Variants in PRKG2 observed in about 807,000 individuals in gnomAD.
PRKG2 encodes the protein cGMP-dependent protein kinase 2.
Under a neutral mutation model 97.2 loss-of-function variants are expected in PRKG2, and 33 were observed. The ratio of observed to expected loss-of-function variants is 0.34; its 90% CI spans 0.26 to 0.45. The LOEUF is 0.45. PRKG2 is among the 20% of genes least tolerant of loss of function. PRKG2 has a pLI of 1.00. For synonymous variants in PRKG2, 330 were observed against 321.8 expected (o/e 1.03, Z -0.27); for missense variants, 638 against 900.0 (o/e 0.71, Z 3.73).
At chr4:81,119,165 T>C (rs1201542311) in intron 14 of PRKG2, among the ~76,000 whole-genome samples, 1 of 152,210 alleles carries the variant, frequency 6.6e-6, no homozygotes, top group South Asian at 2.1e-4. Context: ...CCTTTGGTGT[T>C]GTATCTAAAA....
At chr4:81,097,269 G>C (rs941117356) in intron 17 of PRKG2, among the ~76,000 whole-genome samples, 3 of 152,096 alleles carry the variant, frequency 2.0e-5, no homozygotes, top group African/African-American at 7.2e-5. Flanking sequence ...AGAGCTCTTT[G>C]GTGACTAGGT....
chr4:81,093,001 C>T (rs1164835296), intron 17 of PRKG2, among the ~76,000 whole-genome samples: 3 of 152,118 alleles, frequency 2.0e-5, no homozygotes, highest in Non-Finnish European at 4.4e-5. Context: ...TCACAACATG[C>T]CTCGGTTCAA....
At chr4:81,106,385 C>A (rs1425219461) in intron 15 of PRKG2, among the ~76,000 whole-genome samples, 2 of 152,046 alleles carry the variant, frequency 1.3e-5, no homozygotes, top group East Asian at 1.9e-4. Context: ...GGAGGTCCTG[C>A]ATAGTGAAGT....
At chr4:81,112,044 A>G (rs1744045017) in intron 14 of PRKG2, among the ~76,000 whole-genome samples, 1 of 152,182 alleles carries the variant, frequency 6.6e-6, no homozygotes, top group Non-Finnish European at 1.5e-5. Flanking sequence ...GAACTATAAA[A>G]TCCAGCCCCT....
Position 81,208,981 on chromosome 4 carries a change from T to C in PRKG2, c.-13-3921A>G, listed in dbSNP as rs191749305. Among the ~76,000 whole-genome samples the C allele has an allele frequency of 2.6e-5, 4 of 152,312 alleles. No individual in the cohort carries two copies. In the East Asian group the frequency reaches 5.8e-4, roughly 22 times the overall value. ...AATGCTTAAAACATGGAGGCCCACCTAATTATCTTTGAAGGCAACCAAAAA... is the reference window on the plus strand; with the variant it reads ...AATGCTTAAAACATGGAGGCCCACCCAATTATCTTTGAAGGCAACCAAAAA... On this transcript the variant is annotated intron_variant, in intron 1 of 18. Coordinates refer to ENST00000264399, the MANE Select transcript of PRKG2 (RefSeq NM_006259.3).
intron 1 of PRKG2, among the ~76,000 whole-genome samples, chr4:81,206,119 A>G (rs1377957797): frequency 6.6e-6 from 1 of 152,264 alleles, no homozygotes; most frequent in Non-Finnish European, 1.5e-5. Flanking sequence ...ATAAGCACAC[A>G]CGAGCAGACT....
At chr4:81,180,111 C>T (rs531371052) in intron 2 of PRKG2, among the ~76,000 whole-genome samples, 1 of 151,704 alleles carries the variant, frequency 6.6e-6, no homozygotes, top group Admixed American at 6.6e-5. Context: ...CCAGCCTGGG[C>T]AACAAGAGTG....
intron 17 of PRKG2, among the ~76,000 whole-genome samples, chr4:81,101,029 C>G (rs573674030): frequency 1.3e-5 from 2 of 151,976 alleles, no homozygotes; most frequent in Admixed American, 6.6e-5. Context: ...CCATCTCACA[C>G]CAGTTAGAAT....
chr4:81,147,655 A>G (rs1190783345), intron 9 of PRKG2, among the ~76,000 whole-genome samples: 1 of 152,138 alleles, frequency 6.6e-6, no homozygotes, highest in Non-Finnish European at 1.5e-5. Context: ...GGTGGGAAGC[A>G]TGGGGAAATG....
rs147088719 is a variant in PRKG2 at position 81,174,386 on chromosome 4, A to G, written c.628+407T>C. On this transcript the variant is annotated intron_variant, in intron 3 of 18. Coordinates refer to ENST00000264399, the MANE Select transcript of PRKG2 (RefSeq NM_006259.3). ...TAAAAACACTTTTTGAGCACATGGT[A>G]TTGTGATTAGAAGTGCAGATTCTTA... is the stretch of plus-strand genomic sequence containing the variant. Among the ~76,000 whole-genome samples the G allele has an allele frequency of 3.8e-3, 571 of 152,134 alleles. 5 individuals are homozygous for G. Among genetic ancestry groups the G allele is most frequent in the African/African-American group, 0.013 (538 of 41,550 alleles).
chr4:81,216,785 T>G (rs1296926447), upstream of PRKG2, among the ~76,000 whole-genome samples: 2 of 151,980 alleles, frequency 1.3e-5, no homozygotes, highest in African/African-American at 4.8e-5. Flanking sequence ...TCTGCAGTTT[T>G]TGACTTTGTT....
intron 14 of PRKG2, among the ~76,000 whole-genome samples, chr4:81,115,284 T>C (rs1216081034): frequency 6.6e-6 from 1 of 152,228 alleles, no homozygotes; most frequent in African/African-American, 2.4e-5. Context: ...ATAAACTTTA[T>C]ATTTTTTGCC....
chr4:81,117,211 T>C (rs928400457), intron 14 of PRKG2, among the ~76,000 whole-genome samples: 7 of 151,974 alleles, frequency 4.6e-5, no homozygotes, highest in Non-Finnish European at 8.8e-5. Context: ...CAGGCTGATC[T>C]TGAACTCCTG....
intron 15 of PRKG2, among the ~76,000 whole-genome samples, chr4:81,106,230 G>C (rs1483162292): frequency 6.6e-6 from 1 of 152,140 alleles, no homozygotes; most frequent in Non-Finnish European, 1.5e-5. Flanking sequence ...TTGAGATACA[G>C]TAAATAAGAA....
chr4:81,216,705 T>C (rs535372095), upstream of PRKG2, among the ~76,000 whole-genome samples: 2 of 151,786 alleles, frequency 1.3e-5, no homozygotes, highest in African/African-American at 2.4e-5. Context: ...CCTATTGGAG[T>C]CCCCAGTGTC....
chr4:81,164,954 C>T (rs994579589), intron 6 of PRKG2: 4 of 152,162 alleles, frequency 2.6e-5, no homozygotes, highest in Non-Finnish European at 5.9e-5. Context: ...TGTGTGGGGG[C>T]AGAAACTACT....
chr4:81,157,212 A>C (rs1276645521), intron 6 of PRKG2, among the ~76,000 whole-genome samples: 2 of 152,212 alleles, frequency 1.3e-5, no homozygotes, highest in African/African-American at 4.8e-5. Context: ...AAGAGAGAAG[A>C]ATCAAATAGA....
chr4:81,098,138 G>C (rs1215347339), intron 17 of PRKG2, among the ~76,000 whole-genome samples: 1 of 152,142 alleles, frequency 6.6e-6, no homozygotes, highest in Non-Finnish European at 1.5e-5. Context: ...AGTGCGGCTA[G>C]AATATAAGCA....
At chr4:81,120,114 A>G (rs902768744) in intron 14 of PRKG2, among the ~76,000 whole-genome samples, 12 of 152,188 alleles carry the variant, frequency 7.9e-5, no homozygotes, top group African/African-American at 2.7e-4. Context: ...AGGAGTATGC[A>G]CTTGTAACAA....
Sources: gnomAD v4.1 joint callset for allele counts (sites outside exome capture counted in the v4.1 genomes callset) on GRCh38, gnomAD v4.1.1 for gene constraint, MANE v1.5 for transcripts, NCBI Gene and HGNC (gene_info 2026-07-23, HGNC 2026-07-21) for gene names.